Variants in SPMIP4 observed in about 807,000 individuals in gnomAD.
The protein encoded by SPMIP4 is sperm-associated microtubule inner protein 4.
the SPMIP4 span, among the ~76,000 whole-genome samples, chr7:25,174,714 T>G: frequency 3.3e-5 from 5 of 152,310 alleles, no homozygotes; most frequent in South Asian, 2.1e-4. The surrounding 1 kb of genome is among the most constrained non-coding windows in gnomAD (Gnocchi z 4.5). Flanking sequence ...ACTTCCTTAA[T>G]GGATATGTTT....
the SPMIP4 span, among the ~76,000 whole-genome samples, chr7:25,133,280 T>G: frequency 3.4e-3 from 512 of 152,338 alleles, 1 homozygote; most frequent in African/African-American, 0.012. Context: ...AGTCCTAATT[T>G]TGCAACATCC....
the SPMIP4 span, among the ~76,000 whole-genome samples, chr7:25,141,740 G>C: frequency 4.0e-5 from 6 of 151,542 alleles, no homozygotes; most frequent in Admixed American, 3.9e-4. Flanking sequence ...AAGAAGAAAA[G>C]AAATCTCTTT....
chr7:25,174,034 C>T, the SPMIP4 span, among the ~76,000 whole-genome samples: 1 of 152,190 alleles, frequency 6.6e-6, no homozygotes, highest in Admixed American at 6.5e-5. The surrounding 1 kb of genome is among the most constrained non-coding windows in gnomAD (Gnocchi z 4.5). Flanking sequence ...TTTAGGATTT[C>T]ATGATAGGAT....
the SPMIP4 span, among the ~76,000 whole-genome samples, chr7:25,176,281 T>C: frequency 1.3e-5 from 2 of 152,202 alleles, no homozygotes; most frequent in Admixed American, 1.3e-4. The surrounding 1 kb of genome is among the most constrained non-coding windows in gnomAD (Gnocchi z 4.4). Flanking sequence ...CATTCAGATA[T>C]GGCAGCCCTA....
At chr7:25,157,418 A>T in the SPMIP4 span, among the ~76,000 whole-genome samples, 1 of 152,154 alleles carries the variant, frequency 6.6e-6, no homozygotes, top group South Asian at 2.1e-4. Flanking sequence ...GGAAAGAAAG[A>T]GTGTGTGTGC....
At chr7:25,179,481 G>T in the SPMIP4 span, 1 of 523,014 alleles carries the variant, frequency 1.9e-6, no homozygotes, top group Non-Finnish European at 3.1e-6. Flanking sequence ...AATAAATAGA[G>T]ACCTAAATAA....
At chr7:25,132,756 T>C in the SPMIP4 span, among the ~76,000 whole-genome samples, 2 of 152,216 alleles carry the variant, frequency 1.3e-5, no homozygotes, top group East Asian at 1.9e-4. The surrounding 1 kb of genome is among the most constrained non-coding windows in gnomAD (Gnocchi z 5.0). Flanking sequence ...TTACAACATC[T>C]AGTCTTTCTA....
At chr7:25,175,793 G>A in the SPMIP4 span, among the ~76,000 whole-genome samples, 1 of 152,322 alleles carries the variant, frequency 6.6e-6, no homozygotes, top group South Asian at 2.1e-4. Flanking sequence ...CACTTGGTCT[G>A]AAGAAGTGAG....
At chr7:25,150,768 GT>G in the SPMIP4 span, among the ~76,000 whole-genome samples, 1 of 152,234 alleles carries the variant, frequency 6.6e-6, no homozygotes, top group East Asian at 1.9e-4. Flanking sequence ...CAAATTCTGA[GT>G]CACAGTTTCC....
the SPMIP4 span, among the ~76,000 whole-genome samples, chr7:25,175,909 G>A: frequency 6.6e-6 from 1 of 152,126 alleles, no homozygotes; most frequent in Non-Finnish European, 1.5e-5. Flanking sequence ...TAAGCTGTCT[G>A]GCTGCTTTTT....
At chr7:25,165,113 ACTT>A in the SPMIP4 span, among the ~76,000 whole-genome samples, 4 of 152,110 alleles carry the variant, frequency 2.6e-5, no homozygotes, top group African/African-American at 9.7e-5. Context: ...TCATATAATG[ACTT>A]CTTTTCTGGA....
the SPMIP4 span, chr7:25,161,150 GT>G: frequency 8.1e-7 from 1 of 1,237,038 alleles, no homozygotes; most frequent in South Asian, 1.5e-5. Context: ...ACTTAAAAAT[GT>G]TATTTGATTT....
chr7:25,175,841 T>C, the SPMIP4 span, among the ~76,000 whole-genome samples: 1 of 152,202 alleles, frequency 6.6e-6, no homozygotes, highest in African/African-American at 2.4e-5. Context: ...ACCAGTATCC[T>C]GTTATCACCG....
chr7:25,145,576 G>A, the SPMIP4 span, among the ~76,000 whole-genome samples: 1 of 152,170 alleles, frequency 6.6e-6, no homozygotes, highest in Non-Finnish European at 1.5e-5. Flanking sequence ...TCAGGGTACA[G>A]TTTATATCTG....
At chr7:25,169,781 G>C in the SPMIP4 span, among the ~76,000 whole-genome samples, 15 of 152,034 alleles carry the variant, frequency 9.9e-5, no homozygotes, top group African/African-American at 3.4e-4. Context: ...TCGCCATGTT[G>C]GCCAGGTTGG....
chr7:25,140,867 A>G, the SPMIP4 span, among the ~76,000 whole-genome samples: 1 of 152,198 alleles, frequency 6.6e-6, no homozygotes, highest in East Asian at 1.9e-4. Context: ...GATTACAGGC[A>G]TGAGCCACCG....
At chr7:25,139,910 A>C in the SPMIP4 span, among the ~76,000 whole-genome samples, 1 of 152,242 alleles carries the variant, frequency 6.6e-6, no homozygotes, top group Non-Finnish European at 1.5e-5. Flanking sequence ...AAGAGTCACT[A>C]AAACTTTCTT....
At chr7:25,134,284 AAC>A in the SPMIP4 span, among the ~76,000 whole-genome samples, 5 of 150,464 alleles carry the variant, frequency 3.3e-5, no homozygotes, top group East Asian at 1.9e-4. Context: ...ACAAAAACAA[AAC>A]ACACACACAC....
chr7:25,146,342 C>T, the SPMIP4 span, among the ~76,000 whole-genome samples: 6 of 152,238 alleles, frequency 3.9e-5, no homozygotes, highest in Admixed American at 3.9e-4. Flanking sequence ...GAGAGAGAGA[C>T]AGTTTGTTTC....
Sources: allele counts gnomAD v4.1 joint callset (sites outside exome capture counted in the v4.1 genomes callset), GRCh38; gene constraint gnomAD v4.1.1; non-coding constraint Gnocchi (gnomAD v3.1); transcripts MANE v1.5; gene names NCBI Gene and HGNC (gene_info 2026-07-23, HGNC 2026-07-21).